Variants in MSRA observed in about 807,000 individuals in gnomAD.
The protein encoded by MSRA is mitochondrial peptide methionine sulfoxide reductase.
MSRA carries 54 observed loss-of-function variants against 31.3 expected under a neutral mutation model. That is an observed-to-expected ratio of 1.73 (90% confidence interval 1.39 to 2.17). The LOEUF (loss-of-function observed/expected upper bound fraction) is 2.17. Among genes scored for constraint, MSRA ranks in the 30% most tolerant of loss-of-function variants. The pLI, the probability that MSRA is intolerant of heterozygous loss-of-function variation, is 0.00. For synonymous variants in MSRA, 169 were observed against 116.5 expected, an observed-to-expected ratio of 1.45 and a Z score of -2.90; for missense variants, 507 against 300.9, an observed-to-expected ratio of 1.69 and a Z score of -5.07.
At chr8:10,222,084 T>C (rs1810563122) in intron 2 of MSRA, among the ~76,000 whole-genome samples, 4 of 152,030 alleles carry the variant, frequency 2.6e-5, no homozygotes. Context: ...ACGTGACTTT[T>C]TTTTTTTTAA....
intron 5 of MSRA, among the ~76,000 whole-genome samples, chr8:10,330,725 T>C (rs1468433972): frequency 1.3e-5 from 2 of 152,220 alleles, no homozygotes; most frequent in East Asian, 3.8e-4. Context: ...ATAGGAGGCT[T>C]CCATTCACCT....
chr8:10,375,058 G>C (rs1012178156), intron 5 of MSRA, among the ~76,000 whole-genome samples: 3 of 152,206 alleles, frequency 2.0e-5, no homozygotes, highest in Non-Finnish European at 2.9e-5. Context: ...CTGGTGCTAT[G>C]CTTGTGCAGC....
At chr8:10,305,077 A>T (rs779127005) in intron 4 of MSRA, among the ~76,000 whole-genome samples, 1 of 152,230 alleles carries the variant, frequency 6.6e-6, no homozygotes, top group Non-Finnish European at 1.5e-5. Flanking sequence ...TTTAATTAGC[A>T]TGTTGAAAGA....
intron 1 of MSRA, among the ~76,000 whole-genome samples, chr8:10,130,505 T>C (rs1371888586): frequency 6.6e-6 from 1 of 152,234 alleles, no homozygotes; most frequent in Non-Finnish European, 1.5e-5. Flanking sequence ...TGTTGCTGCT[T>C]GGATATTTTC....
chr8:10,095,555 T>A, intron 1 of MSRA: 1 of 983,520 alleles, frequency 1.0e-6, no homozygotes, highest in Non-Finnish European at 1.2e-6. Flanking sequence ...AGCAAAAGAG[T>A]GAGAGAGAGA....
intron 3 of MSRA, among the ~76,000 whole-genome samples, chr8:10,274,722 C>T (rs1295183626): frequency 2.0e-5 from 3 of 152,038 alleles, no homozygotes; most frequent in African/African-American, 7.2e-5. Context: ...TCCATGTATC[C>T]ACTCATCCAT....
intron 5 of MSRA, among the ~76,000 whole-genome samples, chr8:10,378,517 G>A (rs1229339092): frequency 1.3e-5 from 2 of 152,210 alleles, no homozygotes; most frequent in South Asian, 4.1e-4. Context: ...GACTTTGACG[G>A]TGAACAGGCT....
intron 2 of MSRA, among the ~76,000 whole-genome samples, chr8:10,239,906 C>CAG (rs10643428): frequency 0.54 from 82,160 of 151,870 alleles, 22,861 homozygotes; most frequent in Non-Finnish European, 0.62. Context: ...CCCACCTGCA[C>CAG]AGTTTGTTCA....
intron 5 of MSRA, among the ~76,000 whole-genome samples, chr8:10,386,907 C>G (rs141448103): frequency 4.0e-4 from 60 of 148,274 alleles, no homozygotes; most frequent in African/African-American, 1.5e-3. Flanking sequence ...CTCCAAGAGT[C>G]TTCAGAAAAA....
chr8:10,150,999 G>A (rs1371452255), intron 1 of MSRA, among the ~76,000 whole-genome samples: 1 of 152,032 alleles, frequency 6.6e-6, no homozygotes, highest in Admixed American at 6.5e-5. Context: ...GCATGCATGT[G>A]TGTGTCAGGT....
At chr8:10,281,920 G>A (rs551860097) in intron 3 of MSRA, among the ~76,000 whole-genome samples, 33 of 152,200 alleles carry the variant, frequency 2.2e-4, no homozygotes, top group African/African-American at 7.7e-4. Context: ...TTAGATAAAG[G>A]GACAAAGAAA....
rs186432486 is a variant in MSRA at position 10,090,430 on chromosome 8, T to G, written c.142+35772T>G. ...GGTGGATAAGAGTTTAGTTAATGTA[T>G]AGTATTGCCTCTGTTTAAGAGGCTA... is the stretch of plus-strand genomic sequence containing the variant. On this transcript the variant is annotated intron_variant, in intron 1 of 5. Transcript: ENST00000317173. Among the ~76,000 whole-genome samples, 9 of 152,328 alleles carry G rather than the reference T, an allele frequency of 5.9e-5. No homozygotes were observed. In the East Asian group the frequency reaches 9.6e-4, roughly 16 times the overall value.
chr8:10,095,875 T>C (rs937092207), intron 1 of MSRA: 13 of 1,278,346 alleles, frequency 1.0e-5, no homozygotes, highest in Non-Finnish European at 1.3e-5. Flanking sequence ...CTATATTTGA[T>C]TTTTTGCATG....
chr8:10,272,277 G>A (rs1440329158), intron 3 of MSRA, among the ~76,000 whole-genome samples: 1 of 152,150 alleles, frequency 6.6e-6, no homozygotes, highest in African/African-American at 2.4e-5. Context: ...CTCAGGATTG[G>A]CTCATATGAT....
chr8:10,140,701 C>T (rs1407596553), intron 1 of MSRA, among the ~76,000 whole-genome samples: 1 of 151,912 alleles, frequency 6.6e-6, no homozygotes, highest in Non-Finnish European at 1.5e-5. Context: ...TACCAGTGCA[C>T]AGGAAAAATG....
intron 5 of MSRA, among the ~76,000 whole-genome samples, chr8:10,392,655 G>A (rs140543121): frequency 0.011 from 1,663 of 149,778 alleles, 29 homozygotes; most frequent in African/African-American, 0.039. Context: ...TCATTTGCCT[G>A]TGACCATCAC....
intron 1 of MSRA, among the ~76,000 whole-genome samples, chr8:10,120,274 T>C (rs1260379069): frequency 6.6e-6 from 1 of 152,188 alleles, no homozygotes; most frequent in African/African-American, 2.4e-5. Flanking sequence ...CTGCTGAGCT[T>C]GGAAACAATC....
chr8:10,355,194 G>T (rs971773359), intron 5 of MSRA, among the ~76,000 whole-genome samples: 17 of 152,164 alleles, frequency 1.1e-4, no homozygotes, highest in African/African-American at 3.6e-4. Flanking sequence ...GCCTCTTCCT[G>T]CCCAGCCCAG....
intron 1 of MSRA, among the ~76,000 whole-genome samples, chr8:10,066,028 T>A (rs1797438757): frequency 1.3e-5 from 2 of 150,126 alleles, no homozygotes; most frequent in Admixed American, 1.3e-4. Flanking sequence ...TAATAATATA[T>A]AATAACTTTT....
Sources: gnomAD v4.1 joint callset for allele counts (sites outside exome capture counted in the v4.1 genomes callset) on GRCh38, gnomAD v4.1.1 for gene constraint, MANE v1.5 for transcripts, NCBI Gene and HGNC (gene_info 2026-07-23, HGNC 2026-07-21) for gene names.